GP6: variants seen among roughly 807,000 people sequenced by gnomAD.
GP6 encodes glycoprotein VI platelet, also known as platelet glycoprotein VI.
In GP6, 45 loss-of-function variants were observed where a neutral mutation model predicts 37.3. The ratio of observed to expected loss-of-function variants is 1.21; its 90% CI spans 0.95 to 1.55. GP6 has a LOEUF of 1.55. Ranked by LOEUF, GP6 falls within the 40% of genes most tolerant of loss-of-function variation. The probability of loss-of-function intolerance (pLI) is 0.00; values close to 1 mark genes in which losing one functional copy is unlikely to be tolerated. For missense variants in GP6, 813 were observed against 760.2 expected (o/e 1.07, Z -0.82); for synonymous variants, 340 against 316.4 (o/e 1.07, Z -0.79).
At chr19:55,030,514 A>T (rs372742578) in intron 3 of GP6, among the ~76,000 whole-genome samples, 93 of 151,506 alleles carry the variant, frequency 6.1e-4, no homozygotes, top group African/African-American at 2.2e-3. Context: ...AATTATTATT[A>T]TTTTTTTTAG....
At chr19:55,018,605 C>A (rs757368968) in intron 6 of GP6, 47 bp downstream of exon 6, 1 of 1,046,088 alleles carries the variant, frequency 9.6e-7, no homozygotes, top group East Asian at 2.4e-5. Context: ...GAGAGAGCTC[C>A]GTCCTCACAC....
At position 55,032,121 on chromosome 19, in the gene GP6, C is replaced by T. The variant is rs115456071; in HGVS notation, c.325+18G>A. 1,431 of 1,612,370 alleles carry T rather than the reference C, an allele frequency of 8.9e-4. 14 individuals carry two copies. In the African/African-American group the frequency reaches 0.017, roughly 19 times the overall value. On this transcript the variant is annotated intron_variant, in intron 3 of 7. Transcript: ENST00000310373. ...CGGAGGACCACGCAGTCCCAGGCTC[C>T]GATCCCCCTTCCTTTACCCGTGGCA...
chr19:55,028,393 T>C (rs2074390413), intron 3 of GP6, among the ~76,000 whole-genome samples: 1 of 152,240 alleles, frequency 6.6e-6, no homozygotes, highest in African/African-American at 2.4e-5. Flanking sequence ...TTAATGTCCC[T>C]ATTTTATAAA....
chr19:55,037,623 C>CCTT (rs2074883356), intron 1 of GP6, among the ~76,000 whole-genome samples: 1 of 50,410 alleles, frequency 2.0e-5, no homozygotes, highest in Non-Finnish European at 3.6e-5. Flanking sequence ...GGCACTCAGC[C>CCTT]TTTTTTTTTT....
At chr19:55,015,998 G>T (rs987079639) in intron 6 of GP6, among the ~76,000 whole-genome samples, 15 of 152,042 alleles carry the variant, frequency 9.9e-5, no homozygotes, top group African/African-American at 3.6e-4. Flanking sequence ...AATTAGCCAG[G>T]CGTGGTGGCA....
chr19:55,033,248 C>T (rs1307556311), intron 1 of GP6, among the ~76,000 whole-genome samples: 41 of 62,772 alleles, frequency 6.5e-4, no homozygotes, highest in Non-Finnish European at 6.1e-4. Flanking sequence ...ACACGGTGGA[C>T]TCGTTCGTGT....
intron 3 of GP6, among the ~76,000 whole-genome samples, chr19:55,029,108 A>AAGGGAGGG (rs937271107): frequency 6.8e-6 from 1 of 147,670 alleles, no homozygotes; most frequent in South Asian, 2.1e-4. Context: ...AAGAGGAAGG[A>AAGGGAGGG]AGGGAGGGAG....
In GP6 at chr19:55,027,751, T is replaced by A; in HGVS notation, c.437A>T (p.Tyr146Phe). The change falls in exon 4 of 8, where the codon TAC (tyrosine) becomes TTC (phenylalanine). Residue 146 changes from tyrosine (Y) to phenylalanine (F), a missense_variant. Coordinates refer to ENST00000310373, the MANE Select transcript of GP6 (RefSeq NM_001083899.2). ...GTAGGGCGCAGGGTCCCCTTCCTTG[T>A]ACAGAGCAAATTGGTCAAAGCCATA... 1.2e-6 allele frequency: 2 copies of A among 1,613,980 alleles called. No individual in the cohort carries two copies. Among genetic ancestry groups the A allele is most frequent in the Middle Eastern group, 1.7e-4 (1 of 6,060 alleles).
intron 4 of GP6, among the ~76,000 whole-genome samples, chr19:55,026,052 C>T (rs1052561701): frequency 2.0e-5 from 3 of 150,120 alleles, no homozygotes; most frequent in Non-Finnish European, 3.0e-5. Flanking sequence ...ACACCTGGCA[C>T]ATTCTGGGCT....
chr19:55,028,421 G>A (rs1433751495), intron 3 of GP6, among the ~76,000 whole-genome samples: 1 of 152,136 alleles, frequency 6.6e-6, no homozygotes, highest in Non-Finnish European at 1.5e-5. Flanking sequence ...AAGGCACATG[G>A]CATTAAATAA....
intron 3 of GP6, among the ~76,000 whole-genome samples, chr19:55,029,721 T>TAAAAAA (rs71996614): frequency 6.4e-4 from 95 of 148,086 alleles, no homozygotes; most frequent in Admixed American, 1.4e-3. Context: ...ACCACCAAGA[T>TAAAAAA]AAAAAAAGGT....
intron 7 of GP6, 130 bp from the exon 8 acceptor site, chr19:55,015,295 G>C (rs2073831348): frequency 1.4e-6 from 2 of 1,446,470 alleles, no homozygotes; most frequent in Non-Finnish European, 1.9e-6. Context: ...CTTTCCTGGA[G>C]GGTCCCTCCC....
At chr19:55,029,569 T>C (rs2074482939) in intron 3 of GP6, among the ~76,000 whole-genome samples, 1 of 150,330 alleles carries the variant, frequency 6.7e-6, no homozygotes, top group African/African-American at 2.4e-5. Flanking sequence ...TTTGTATGTT[T>C]AGTAGAGACA....
intron 1 of GP6, chr19:55,032,761 A>C: frequency 1.6e-6 from 1 of 637,468 alleles, no homozygotes; most frequent in Non-Finnish European, 2.8e-6. Flanking sequence ...GTAAATCTAT[A>C]GGAGATGGAG....
intron 1 of GP6, among the ~76,000 whole-genome samples, chr19:55,033,982 G>A (rs990482256): frequency 6.6e-6 from 1 of 152,018 alleles, no homozygotes; most frequent in Non-Finnish European, 1.5e-5. Flanking sequence ...ACACAGAAAG[G>A]ATGCATGTTT....
At chr19:55,023,362 T>TA (rs1244673767) in intron 5 of GP6, among the ~76,000 whole-genome samples, 2 of 152,228 alleles carry the variant, frequency 1.3e-5, no homozygotes, top group African/African-American at 4.8e-5. Context: ...CCAAATCTCA[T>TA]ACTGGATTAT....
intron 5 of GP6, among the ~76,000 whole-genome samples, chr19:55,019,101 T>TC (rs1481144122): frequency 1.1e-4 from 8 of 74,402 alleles, no homozygotes; most frequent in African/African-American, 2.4e-4. Context: ...CTTCTTTCTT[T>TC]TTTTTCTTTT....
chr19:55,016,670 G>A (rs962021962), intron 6 of GP6, among the ~76,000 whole-genome samples: 4 of 151,148 alleles, frequency 2.6e-5, no homozygotes, highest in Admixed American at 6.6e-5. Context: ...CACTGCACCC[G>A]GCCTCCAGCT....
At chr19:55,036,704 AAAATT>A (rs1177325511) in intron 1 of GP6, among the ~76,000 whole-genome samples, 1 of 151,928 alleles carries the variant, frequency 6.6e-6, no homozygotes, top group African/African-American at 2.4e-5. Context: ...TATCTCAAAT[AAAATT>A]AAATAAATAA....
Sources: allele counts gnomAD v4.1 joint callset (sites outside exome capture counted in the v4.1 genomes callset), GRCh38; gene constraint gnomAD v4.1.1; transcripts MANE v1.5; gene names NCBI Gene and HGNC (gene_info 2026-07-23, HGNC 2026-07-21).